SSBP3: variants seen among roughly 807,000 people sequenced by gnomAD.
SSBP3 encodes single stranded DNA binding protein 3, also known as single-stranded DNA-binding protein 3.
SSBP3 carries 5 observed loss-of-function variants against 69.6 expected under a neutral mutation model. The observed-to-expected ratio is 0.07, with a 90% confidence interval of 0.04 to 0.15. The LOEUF (loss-of-function observed/expected upper bound fraction) is 0.15. Ranked by LOEUF, SSBP3 falls within the 10% of genes least tolerant of loss-of-function variation. SSBP3 has a pLI of 1.00. For synonymous variants in SSBP3, 196 were observed against 193.4 expected (o/e 1.01, Z -0.11); for missense variants, 312 against 534.0 (o/e 0.58, Z 4.10).
intron 14 of SSBP3, among the ~76,000 whole-genome samples, chr1:54,234,619 T>TC (rs764815048): frequency 4.9e-4 from 75 of 152,256 alleles, no homozygotes; most frequent in Non-Finnish European, 9.6e-4. Context: ...ATAGGATTAA[T>TC]GAAACAAACA....
intron 4 of SSBP3, among the ~76,000 whole-genome samples, chr1:54,353,389 C>G (rs1247242682): frequency 6.6e-6 from 1 of 152,182 alleles, no homozygotes; most frequent in Non-Finnish European, 1.5e-5. Flanking sequence ...CAGCTCAACA[C>G]CCCCGCTCCT....
chr1:54,409,437 A>G (rs1414573820), upstream of SSBP3, among the ~76,000 whole-genome samples: 4 of 152,114 alleles, frequency 2.6e-5, no homozygotes, highest in Non-Finnish European at 1.5e-5. Context: ...GTGTATCTCC[A>G]GCACACAGCG....
At chr1:54,367,556 G>A (rs72912172) in intron 4 of SSBP3, among the ~76,000 whole-genome samples, 2,014 of 152,294 alleles carry the variant, frequency 0.013, 37 homozygotes, top group African/African-American at 0.046. Context: ...GAGAAAGGAC[G>A]AGGGGCAGAG....
chr1:54,352,546 A>C (rs1193762977), intron 4 of SSBP3, among the ~76,000 whole-genome samples: 1 of 152,164 alleles, frequency 6.6e-6, no homozygotes, highest in Non-Finnish European at 1.5e-5. Context: ...CAGCCTCCAG[A>C]AGAGAAAGTC....
chr1:54,312,332 G>GT (rs1646018383), intron 4 of SSBP3, among the ~76,000 whole-genome samples: 1 of 151,768 alleles, frequency 6.6e-6, no homozygotes, highest in African/African-American at 2.4e-5. Context: ...GCTCACACCT[G>GT]TAATCCCAGC....
chr1:54,403,336 T>A (rs186908920), intron 3 of SSBP3, among the ~76,000 whole-genome samples: 2 of 152,310 alleles, frequency 1.3e-5, no homozygotes, highest in East Asian at 3.9e-4. Context: ...CCTCCACACG[T>A]TAAAGGTTTC....
At chr1:54,369,312 T>TGG (rs60597425) in intron 4 of SSBP3, among the ~76,000 whole-genome samples, 4 of 42,916 alleles carry the variant, frequency 9.3e-5, no homozygotes, top group African/African-American at 3.3e-4. Flanking sequence ...GGGACGGGGG[T>TGG]GGGGGGGCAC....
chr1:54,263,516 G>A (rs867979930), intron 5 of SSBP3, among the ~76,000 whole-genome samples: 2 of 152,200 alleles, frequency 1.3e-5, no homozygotes, highest in Non-Finnish European at 2.9e-5. Context: ...AGGCACACGG[G>A]GTCCCCAGTC....
At chr1:54,369,796 C>CGCTCA (rs1553146825) in intron 4 of SSBP3, among the ~76,000 whole-genome samples, 2 of 152,082 alleles carry the variant, frequency 1.3e-5, no homozygotes, top group Non-Finnish European at 2.9e-5. Context: ...AGTCTGAGAA[C>CGCTCA]GTGACCCTGT....
chr1:54,239,768 C>T (rs933450496), intron 13 of SSBP3, among the ~76,000 whole-genome samples: 2 of 152,158 alleles, frequency 1.3e-5, no homozygotes, highest in Non-Finnish European at 2.9e-5. Flanking sequence ...AGTGGGAGCC[C>T]AGGATCCCGG....
rs1553123140 is a variant in SSBP3, at chr1:54,240,047, G to GT, written c.857-849_857-848insA. 6.5e-3 allele frequency among the ~76,000 whole-genome samples: 503 copies of GT among 77,758 alleles called. 9 individuals are homozygous for GT. Among genetic ancestry groups the GT allele is most frequent in the African/African-American group, 0.022 (416 of 18,634 alleles). The allele number at this position is 77,758 out of a possible 152,430, so 51.0% of individuals were successfully genotyped here. On this transcript the variant is annotated intron_variant, in intron 13 of 17. Transcript: ENST00000610401. Reference sequence around the variant, plus strand: ...TGGGAAAGAAACATAATTGTGATGGGGTGTGTGTGTGTGTGTGTGTGTGTG... The same window carrying GT: ...TGGGAAAGAAACATAATTGTGATGGGTGTGTGTGTGTGTGTGTGTGTGTGTG...
intron 4 of SSBP3, among the ~76,000 whole-genome samples, chr1:54,365,937 C>T (rs11578957): frequency 2.0e-5 from 3 of 152,284 alleles, no homozygotes; most frequent in Non-Finnish European, 4.4e-5. Flanking sequence ...CTCTCTCTGC[C>T]TAAGTTTACT....
intron 4 of SSBP3, among the ~76,000 whole-genome samples, chr1:54,314,566 T>C (rs1007826624): frequency 3.3e-5 from 5 of 152,324 alleles, no homozygotes; most frequent in African/African-American, 9.6e-5. Flanking sequence ...ATTTGTGAAA[T>C]AGACTGTTAA....
rs550682449 is a variant in SSBP3, at chr1:54,351,116, C to T, written c.276+50745G>A. 8.5e-5 allele frequency among the ~76,000 whole-genome samples: 13 copies of T among 152,268 alleles called. No individual in the cohort carries two copies. In the South Asian group the frequency reaches 1.0e-3, roughly 12 times the overall value. ...TGCTGGCATAACAAGTGTGAGCCACCGTGCCCAGCCTTAAATGCTATTTTT... is the reference window on the plus strand; with the variant it reads ...TGCTGGCATAACAAGTGTGAGCCACTGTGCCCAGCCTTAAATGCTATTTTT... On this transcript the variant is annotated intron_variant, in intron 4 of 17. Transcript: ENST00000610401.
intron 5 of SSBP3, among the ~76,000 whole-genome samples, chr1:54,261,182 A>ACGGG (rs1383794063): frequency 1.3e-5 from 2 of 152,194 alleles, no homozygotes; most frequent in Non-Finnish European, 2.9e-5. Flanking sequence ...TAGCAGTCTC[A>ACGGG]CGGGCAGAGA....
chr1:54,381,414 G>C (rs1353206858), intron 4 of SSBP3, among the ~76,000 whole-genome samples: 1 of 147,844 alleles, frequency 6.8e-6, no homozygotes. Context: ...AAAAGAGAGA[G>C]AGAGCATGTC....
intron 4 of SSBP3, chr1:54,325,509 T>A (rs565786109): frequency 1.2e-5 from 2 of 167,202 alleles, no homozygotes; most frequent in East Asian, 3.9e-4. Flanking sequence ...GGCTTTAAGA[T>A]GCAATACATC....
At chr1:54,400,380 G>A (rs1017857178) in intron 4 of SSBP3, among the ~76,000 whole-genome samples, 1 of 143,968 alleles carries the variant, frequency 6.9e-6, no homozygotes, top group Non-Finnish European at 1.5e-5. Context: ...AAAAAACCAT[G>A]CAAGATTTTT....
intron 5 of SSBP3, among the ~76,000 whole-genome samples, chr1:54,265,723 A>C (rs1054270283): frequency 3.9e-5 from 6 of 152,252 alleles, no homozygotes; most frequent in African/African-American, 1.4e-4. Context: ...TCATCTCTGC[A>C]TAAATACCAG....
Sources: gnomAD v4.1 joint callset for allele counts (sites outside exome capture counted in the v4.1 genomes callset) on GRCh38, gnomAD v4.1.1 for gene constraint, MANE v1.5 for transcripts, NCBI Gene and HGNC (gene_info 2026-07-23, HGNC 2026-07-21) for gene names.